Variants in CDRT4 observed in about 807,000 individuals in gnomAD.
CDRT4 encodes the protein CMT1A duplicated region transcript 4.
For missense variants in CDRT4, 167 were observed against 193.1 expected (o/e 0.87, Z 0.80); for synonymous variants, 64 against 69.6 (o/e 0.92, Z 0.40).
rs1979830581 is a variant in CDRT4 at position 15,463,095 on chromosome 17, A to G, written c.-130+4365T>C. Reference sequence around the variant, plus strand: ...AGATTGTCGAGATGACTGCAGGGCTATGCATGCGTGTGTGGGTGTGAGTGT... The same window carrying G: ...AGATTGTCGAGATGACTGCAGGGCTGTGCATGCGTGTGTGGGTGTGAGTGT... On this transcript the variant is annotated intron_variant, in intron 1 of 3. Transcript: ENST00000619038. 2.0e-5 allele frequency among the ~76,000 whole-genome samples: 3 copies of G among 152,222 alleles called. No individual in the cohort carries two copies. The South Asian group carries it at 6.2e-4, about 32-fold the overall frequency.
chr17:15,445,099 C>G (rs1425621494), intron 2 of CDRT4, among the ~76,000 whole-genome samples: 1 of 152,116 alleles, frequency 6.6e-6, no homozygotes, highest in Non-Finnish European at 1.5e-5. Flanking sequence ...ACAAATCGAC[C>G]CCACTCAGAC....
chr17:15,457,198 A>C (rs1979525580), intron 1 of CDRT4, among the ~76,000 whole-genome samples: 2 of 152,212 alleles, frequency 1.3e-5, no homozygotes, highest in Non-Finnish European at 2.9e-5. Context: ...AGCAGTCCCC[A>C]GGAAATGGAA....
Position 15,462,611 on chromosome 17 carries a change from A to G in CDRT4, c.-130+4849T>C, listed in dbSNP as rs533097178. On this transcript the variant is annotated intron_variant, in intron 1 of 3. Transcript: ENST00000619038. ...ATACTATACAGCAATGAAAAGGAAC[A>G]GGCTACACCTATTGCAGCCACATGA... is the stretch of plus-strand genomic sequence containing the variant. Among the ~76,000 whole-genome samples, 42 of 152,302 alleles carry G rather than the reference A, an allele frequency of 2.8e-4. No homozygotes were observed. In the South Asian group the frequency reaches 8.1e-3, roughly 29 times the overall value.
chr17:15,460,401 A>AATG lies in CDRT4; in HGVS notation c.-130+7058_-130+7059insCAT, dbSNP rs1218781077. 2.0e-5 allele frequency among the ~76,000 whole-genome samples: 3 copies of AATG among 152,062 alleles called. No homozygotes were observed. In the East Asian group the frequency reaches 5.8e-4, roughly 29 times the overall value. ...AATTATGACAACTACTACTGCTGCTAATAATAATATAAAAATAACTCACAC... is the reference window on the plus strand; with the variant it reads ...AATTATGACAACTACTACTGCTGCTAATGATAATAATATAAAAATAACTCACAC... On this transcript the variant is annotated intron_variant, in intron 1 of 3. Coordinates refer to ENST00000619038, the MANE Select transcript of CDRT4 (RefSeq NM_001204477.2).
chr17:15,460,845 G>A (rs951327905), intron 1 of CDRT4, among the ~76,000 whole-genome samples: 108 of 152,024 alleles, frequency 7.1e-4, no homozygotes, highest in Middle Eastern at 3.4e-3. Context: ...CCACCTCTTA[G>A]ATCTCTCTGT....
At chr17:15,442,625 T>C (rs556095810) in intron 2 of CDRT4, among the ~76,000 whole-genome samples, 2 of 152,144 alleles carry the variant, frequency 1.3e-5, no homozygotes, top group African/African-American at 2.4e-5. Flanking sequence ...TGTGCATCTG[T>C]GTGACCCACC....
chr17:15,437,380 T>C lies in CDRT4; in HGVS notation c.*393A>G, dbSNP rs930692451. 1.2e-5 allele frequency: 3 copies of C among 240,350 alleles called. No homozygotes were observed. The highest frequency in any genetic ancestry group is 2.3e-5 in the African/African-American group (1 of 44,384). The allele number at this position is 240,350 out of a possible 1,614,324, so 14.9% of individuals were successfully genotyped here. A position where few individuals can be genotyped will look rare whatever the true frequency, so the allele number is the denominator to read the frequency against. On this transcript the variant is annotated 3_prime_UTR_variant, in exon 4 of 4. Transcript: ENST00000619038. ...CCTGCTTCCTGTGGTGCTACCTCCA[T>C]GGATACCTTTGTATTCCCTTCCTGC...
intron 1 of CDRT4, among the ~76,000 whole-genome samples, chr17:15,457,901 GT>G (rs1979560375): frequency 6.6e-6 from 1 of 152,200 alleles, no homozygotes; most frequent in African/African-American, 2.4e-5. Flanking sequence ...AGAACCCTCT[GT>G]TCCCCCACAG....
chr17:15,437,776 G>C lies in CDRT4; in HGVS notation c.456C>G (p.Tyr152Ter), dbSNP rs1213544460. 3.1e-6 allele frequency: 5 copies of C among 1,612,938 alleles called. No individual in the cohort carries two copies. The highest frequency in any genetic ancestry group is 3.4e-6 in the Non-Finnish European group (4 of 1,178,978). ...PMMRMLPTVR[Y>*] The stretch of plus-strand genomic sequence containing the variant: ...TTTGCATGTTTCTCCTTGTTGGTCA[G>C]TAGCGAACTGTAGGGAGCATCCTCA... The change falls in exon 4 of 4, where the codon TAC becomes TAG. Residue 152 changes from tyrosine (Y) to a stop codon, truncating the protein, a stop_gained. Transcript: ENST00000619038. LOFTEE classifies it high-confidence loss of function.
intron 1 of CDRT4, among the ~76,000 whole-genome samples, chr17:15,455,511 A>C (rs1010690815): frequency 1.4e-4 from 21 of 152,226 alleles, no homozygotes; most frequent in Non-Finnish European, 1.5e-5. Flanking sequence ...ACTGCATCTA[A>C]TGACTCACTT....
At chr17:15,454,127 AG>A (rs1398341148) in intron 1 of CDRT4, among the ~76,000 whole-genome samples, 1 of 152,196 alleles carries the variant, frequency 6.6e-6, no homozygotes, top group African/African-American at 2.4e-5. Context: ...AAGTCATGGG[AG>A]GTCAGAAGAC....
chr17:15,458,772 G>A (rs570571785), intron 1 of CDRT4, among the ~76,000 whole-genome samples: 1 of 152,266 alleles, frequency 6.6e-6, no homozygotes, highest in African/African-American at 2.4e-5. Flanking sequence ...CCTGCTGTGG[G>A]GGAGCCTGTA....
intron 2 of CDRT4, 88 bp from the exon 3 acceptor site, chr17:15,440,373 A>G (rs1978702878): frequency 7.0e-7 from 1 of 1,423,224 alleles, no homozygotes; most frequent in Admixed American, 1.9e-5. Flanking sequence ...TCTAAGTCCT[A>G]TATGGTCACT....
rs561325845 is a variant in CDRT4 at position 15,456,455 on chromosome 17, A to G, written c.-129-3370T>C. Among the ~76,000 whole-genome samples the G allele has an allele frequency of 2.0e-5, 3 of 152,276 alleles. No homozygotes were observed. The South Asian group carries it at 6.2e-4, about 32-fold the overall frequency. On this transcript the variant is annotated intron_variant, in intron 1 of 3. Transcript: ENST00000619038. ...ATGACTTTGTGAAAGTAGCCAGATC[A>G]AAGTGTCAGGTTCTGTCATAGGACT...
intron 1 of CDRT4, among the ~76,000 whole-genome samples, chr17:15,456,563 T>TACACACACACAC (rs3029212): frequency 0.015 from 2,192 of 145,680 alleles, 58 homozygotes; most frequent in African/African-American, 0.051. Flanking sequence ...AATCTTCCTT[T>TACACACACACAC]ACACACACAC....
At chr17:15,462,781 T>C (rs913855592) in intron 1 of CDRT4, among the ~76,000 whole-genome samples, 1 of 152,116 alleles carries the variant, frequency 6.6e-6, no homozygotes, top group African/African-American at 2.4e-5. Flanking sequence ...CTTCCATAAA[T>C]TCAGGAGAGT....
Position 15,438,736 on chromosome 17 carries a change from A to C in CDRT4, c.32-536T>G, listed in dbSNP as rs73978238. ...CAAAGTTCATGGAACTTTCTTGTGG[A>C]TTAAAGATAACTTATGTTAAGCTTT... On this transcript the variant is annotated intron_variant, in intron 3 of 3. Transcript: ENST00000619038. 8.3e-3 allele frequency among the ~76,000 whole-genome samples: 1,259 copies of C among 152,338 alleles called. 12 individuals are homozygous for C. The highest frequency in any genetic ancestry group is 0.029 in the African/African-American group (1,206 of 41,584).
intron 3 of CDRT4, 142 bp from the exon 4 acceptor site, chr17:15,438,342 A>G (rs1251568685): frequency 1.4e-6 from 1 of 713,582 alleles, no homozygotes; most frequent in African/African-American, 1.8e-5. Flanking sequence ...ATAAAATCCA[A>G]TTCAAAGTGG....
At chr17:15,451,876 CT>C (rs2150792573) in intron 2 of CDRT4, among the ~76,000 whole-genome samples, 1 of 152,346 alleles carries the variant, frequency 6.6e-6, no homozygotes, top group East Asian at 1.9e-4. Context: ...TCTTAACCAA[CT>C]AGACTATAAG....
Sources: allele counts gnomAD v4.1 joint callset (sites outside exome capture counted in the v4.1 genomes callset), GRCh38; gene constraint gnomAD v4.1.1; transcripts MANE v1.5; gene names NCBI Gene and HGNC (gene_info 2026-07-23, HGNC 2026-07-21).